The following MACROD2 variants were observed in gnomAD, a reference collection of about 807,000 sequenced individuals.
MACROD2 encodes mono-ADP ribosylhydrolase 2, also known as ADP-ribose glycohydrolase MACROD2.
Under a neutral mutation model 70.4 loss-of-function variants are expected in MACROD2, and 36 were observed. The observed-to-expected ratio is 0.51, with a 90% confidence interval of 0.39 to 0.68. The LOEUF is 0.68. MACROD2 is among the 30% of genes least tolerant of loss of function. The pLI is 0.00. For missense variants in MACROD2, 496 were observed against 538.4 expected (o/e 0.92, Z 0.78); for synonymous variants, 172 against 178.8 (o/e 0.96, Z 0.30).
chr20:15,078,633 G>C (rs997062515), intron 5 of MACROD2, among the ~76,000 whole-genome samples: 1 of 152,002 alleles, frequency 6.6e-6, no homozygotes, highest in Admixed American at 6.5e-5. Flanking sequence ...GGAATTATCA[G>C]GAACTATTGG....
intron 8 of MACROD2, among the ~76,000 whole-genome samples, chr20:15,624,390 C>T (rs1202205512): frequency 2.6e-5 from 4 of 152,214 alleles, no homozygotes; most frequent in Non-Finnish European, 5.9e-5. Context: ...TAATACTTTG[C>T]ATCCTTTAAT....
chr20:16,004,188 T>C (rs1447407619), intron 15 of MACROD2, among the ~76,000 whole-genome samples: 6 of 152,114 alleles, frequency 3.9e-5, no homozygotes, highest in Admixed American at 3.9e-4. Context: ...TCTTCCCGAC[T>C]CCAACCCACA....
rs540316072 is a variant in MACROD2 at position 14,920,408 on chromosome 20, A to G, written c.418+235449A>G. Among the ~76,000 whole-genome samples the G allele has an allele frequency of 2.0e-5, 3 of 152,318 alleles. No homozygotes were observed. In the South Asian group the frequency reaches 6.2e-4, roughly 32 times the overall value. On this transcript the variant is annotated intron_variant, in intron 5 of 17. Transcript: ENST00000684519. ...TATCTAATGTTTCCTAAATGTAAAT[A>G]GGCCAGAGGGTGTTCCTTTCTGAAT... is the stretch of plus-strand genomic sequence containing the variant.
intron 3 of MACROD2, among the ~76,000 whole-genome samples, chr20:14,367,785 T>C (rs1172215281): frequency 2.0e-5 from 3 of 151,894 alleles, no homozygotes; most frequent in Non-Finnish European, 4.4e-5. Flanking sequence ...TTGTTGAGCT[T>C]CTTGAATGTG....
chr20:15,107,375 AC>A (rs2075919143), intron 5 of MACROD2, among the ~76,000 whole-genome samples: 1 of 152,090 alleles, frequency 6.6e-6, no homozygotes, highest in African/African-American at 2.4e-5. Context: ...GAAAAAAAAA[AC>A]TACCATTTGT....
At chr20:14,854,441 G>A (rs2073231688) in intron 5 of MACROD2, among the ~76,000 whole-genome samples, 1 of 152,076 alleles carries the variant, frequency 6.6e-6, no homozygotes, top group South Asian at 2.1e-4. Context: ...GTAACTAATA[G>A]ACCTGGACTT....
intron 5 of MACROD2, among the ~76,000 whole-genome samples, chr20:14,879,353 C>T (rs558626875): frequency 6.6e-6 from 1 of 152,144 alleles, no homozygotes; most frequent in African/African-American, 2.4e-5. Flanking sequence ...TCCAAGTTAG[C>T]ATGAATTTGA....
intron 5 of MACROD2, among the ~76,000 whole-genome samples, chr20:15,208,661 G>A (rs1473089886): frequency 3.3e-5 from 5 of 152,166 alleles, no homozygotes; most frequent in Non-Finnish European, 5.9e-5. Flanking sequence ...CAGGGAGGCA[G>A]GGGTGTTTTC....
At chr20:15,420,691 A>C (rs904580034) in intron 6 of MACROD2, among the ~76,000 whole-genome samples, 3 of 152,196 alleles carry the variant, frequency 2.0e-5, no homozygotes, top group Admixed American at 6.5e-5. Flanking sequence ...AGTATTTTTA[A>C]AATTTTAAAT....
intron 8 of MACROD2, among the ~76,000 whole-genome samples, chr20:15,626,121 A>C (rs1363255121): frequency 1.3e-5 from 2 of 152,170 alleles, no homozygotes; most frequent in Admixed American, 6.5e-5. Flanking sequence ...TAGCCAAGGG[A>C]AAACTGGCAG....
At chr20:15,365,549 T>C (rs1341711793) in intron 6 of MACROD2, among the ~76,000 whole-genome samples, 2 of 151,494 alleles carry the variant, frequency 1.3e-5, no homozygotes, top group Admixed American at 1.3e-4. Context: ...TAATCCCAGG[T>C]ACTTAGGAGG....
In MACROD2 at chr20:14,347,088, C is replaced by T. The variant is rs534321299; in HGVS notation, c.272-146391C>T. ...AACCAATGTGCTCTAGATCACAAAA[C>T]GTATTTGAAATGAGACTGAAAGCAG... On this transcript the variant is annotated intron_variant, in intron 3 of 17. Coordinates refer to ENST00000684519, the MANE Select transcript of MACROD2 (RefSeq NM_001351661.2). Among the ~76,000 whole-genome samples the T allele has an allele frequency of 7.2e-5, 11 of 152,194 alleles. No homozygotes were observed. In the South Asian group the frequency reaches 1.7e-3, roughly 23 times the overall value.
At chr20:14,281,325 A>G (rs1335741890) in intron 3 of MACROD2, among the ~76,000 whole-genome samples, 1 of 152,216 alleles carries the variant, frequency 6.6e-6, no homozygotes, top group Non-Finnish European at 1.5e-5. Flanking sequence ...CACAAAAGGT[A>G]ACATATTGTA....
intron 8 of MACROD2, among the ~76,000 whole-genome samples, chr20:15,837,309 G>A (rs542144589): frequency 1.3e-5 from 2 of 152,268 alleles, no homozygotes; most frequent in South Asian, 4.1e-4. Context: ...TTAAAAGAGA[G>A]AGAAATTCTG....
At chr20:15,094,281 T>G (rs2075813055) in intron 5 of MACROD2, among the ~76,000 whole-genome samples, 1 of 152,184 alleles carries the variant, frequency 6.6e-6, no homozygotes, top group African/African-American at 2.4e-5. Context: ...TTGCATAATT[T>G]GTAATATAGA....
intron 8 of MACROD2, among the ~76,000 whole-genome samples, chr20:15,627,089 G>A (rs2049214588): frequency 6.6e-6 from 1 of 152,074 alleles, no homozygotes; most frequent in Non-Finnish European, 1.5e-5. Flanking sequence ...ATTTCAGTAG[G>A]TAGAGATGTG....
chr20:15,545,161 A>G (rs1370381917), intron 8 of MACROD2, among the ~76,000 whole-genome samples: 1 of 152,210 alleles, frequency 6.6e-6, no homozygotes, highest in African/African-American at 2.4e-5. Flanking sequence ...AATGAATATT[A>G]TTTGTTCATC....
intron 8 of MACROD2, among the ~76,000 whole-genome samples, chr20:15,671,815 CA>C (rs1721714952): frequency 6.6e-6 from 1 of 152,198 alleles, no homozygotes; most frequent in African/African-American, 2.4e-5. Context: ...CTGCTTGTCT[CA>C]AAACTAGATT....
intron 3 of MACROD2, among the ~76,000 whole-genome samples, chr20:14,445,261 C>G (rs1244195654): frequency 2.0e-5 from 3 of 151,964 alleles, no homozygotes; most frequent in Non-Finnish European, 4.4e-5. Context: ...CCATTTTGTT[C>G]CCTGCATATC....
Sources: allele counts gnomAD v4.1 joint callset (sites outside exome capture counted in the v4.1 genomes callset), GRCh38; gene constraint gnomAD v4.1.1; transcripts MANE v1.5; gene names NCBI Gene and HGNC (gene_info 2026-07-23, HGNC 2026-07-21).